PDILT: variants seen among roughly 807,000 people sequenced by gnomAD.
PDILT encodes the protein protein disulfide-isomerase-like protein of the testis.
Under a neutral mutation model 53.7 loss-of-function variants are expected in PDILT, and 43 were observed. The ratio of observed to expected loss-of-function variants is 0.80; its 90% CI spans 0.63 to 1.03. The LOEUF is 1.03. PDILT is among the 50% of genes least tolerant of loss of function. PDILT has a pLI of 0.00. For missense variants in PDILT, 727 were observed against 712.3 expected, an observed-to-expected ratio of 1.02 and a Z score of -0.24; for synonymous variants, 282 against 274.2, an observed-to-expected ratio of 1.03 and a Z score of -0.28.
chr16:20,374,123 TA>T (rs1966347774), intron 5 of PDILT, among the ~76,000 whole-genome samples: 1 of 150,948 alleles, frequency 6.6e-6, no homozygotes, highest in Non-Finnish European at 1.5e-5. Flanking sequence ...TTTTTTTTTT[TA>T]AAGATGTAGA....
At chr16:20,400,581 C>T (rs1408090898) in intron 1 of PDILT, among the ~76,000 whole-genome samples, 1 of 151,860 alleles carries the variant, frequency 6.6e-6, no homozygotes, top group Non-Finnish European at 1.5e-5. Flanking sequence ...TTCAAAAGCT[C>T]CCCAGATGAT....
chr16:20,370,882 T>C (rs1966296985), intron 7 of PDILT, among the ~76,000 whole-genome samples: 1 of 152,188 alleles, frequency 6.6e-6, no homozygotes, highest in Admixed American at 6.5e-5. Context: ...GCCATGGCAA[T>C]GTCAGGAAGT....
At chr16:20,364,029 T>G (rs9931967) in intron 9 of PDILT, among the ~76,000 whole-genome samples, 52,249 of 152,098 alleles carry the variant, frequency 0.34, 11,238 homozygotes, top group Non-Finnish European at 0.49. Flanking sequence ...ACAAGCCAAG[T>G]GTCTCCATGG....
At chr16:20,396,735 C>T (rs940431464) in intron 2 of PDILT, among the ~76,000 whole-genome samples, 11 of 152,226 alleles carry the variant, frequency 7.2e-5, no homozygotes, top group Admixed American at 2.6e-4. Context: ...GACTTTATCA[C>T]ACTTTGTTTT....
intron 2 of PDILT, among the ~76,000 whole-genome samples, chr16:20,392,818 C>A (rs1174640568): frequency 1.3e-5 from 2 of 152,146 alleles, no homozygotes; most frequent in Non-Finnish European, 2.9e-5. Context: ...CCCTCTGTAG[C>A]CTCAGATTTA....
intron 6 of PDILT, 41 bp downstream of exon 6, chr16:20,372,971 G>A (rs1966328402): frequency 1.1e-5 from 17 of 1,613,476 alleles, no homozygotes; most frequent in Non-Finnish European, 1.4e-5. Context: ...ACACACAGTG[G>A]CCCCAGCTCC....
chr16:20,384,697 C>T lies in PDILT; in HGVS notation c.357G>A (p.Pro119=), dbSNP rs755877564. 57 of 1,614,108 alleles carry T rather than the reference C, an allele frequency of 3.5e-5. 1 individual carries two copies. Among genetic ancestry groups the T allele is most frequent in the South Asian group, 1.6e-4 (15 of 91,092 alleles). The change falls in exon 3 of 12, where the codon CCG becomes CCA. Residue 119 remains proline (P), a synonymous_variant. Coordinates refer to ENST00000302451, the MANE Select transcript of PDILT (RefSeq NM_174924.2). ...LQQEFGITKA[P]ELKLFFEGNR... ...TGCCCTCAAAAAACAGCTTCAACTC[C>T]GGGGCCTTGGTAATCCCAAACTCCT...
chr16:20,388,299 T>A (rs1287537588), intron 2 of PDILT, among the ~76,000 whole-genome samples: 1 of 152,178 alleles, frequency 6.6e-6, no homozygotes, highest in Non-Finnish European at 1.5e-5. Context: ...CCCTGGTTAA[T>A]CTTCAGAACA....
Position 20,365,556 on chromosome 16 carries a change from G to C in PDILT, c.1117-16C>G. The stretch of plus-strand genomic sequence containing the variant: ...ATTGATGTTTCTAGGAAGCACATTT[G>C]AGAGGCCTAAGAGTCTTCATAAAGG... On this transcript the variant is annotated splice_polypyrimidine_tract_variant and intron_variant, in intron 8 of 11. Coordinates refer to ENST00000302451, the MANE Select transcript of PDILT (RefSeq NM_174924.2). 1 of 1,613,960 alleles carries C rather than the reference G, an allele frequency of 6.2e-7. No homozygotes were observed. The highest frequency in any genetic ancestry group is 1.3e-5 in the African/African-American group (1 of 75,042).
Position 20,367,817 on chromosome 16 carries a change from C to T in PDILT, c.1116+1675G>A, listed in dbSNP as rs1966236152. ...TGGATGCCAGGACACTTTTCAGAGT[C>T]CATGGGAGCCTGGTTTGCAATGCCA... On this transcript the variant is annotated intron_variant, in intron 8 of 11. Coordinates refer to ENST00000302451, the MANE Select transcript of PDILT (RefSeq NM_174924.2). Among the ~76,000 whole-genome samples, 4 of 152,086 alleles carry T rather than the reference C, an allele frequency of 2.6e-5. No individual in the cohort carries two copies. The South Asian group carries it at 8.3e-4, about 32-fold the overall frequency.
intron 2 of PDILT, among the ~76,000 whole-genome samples, chr16:20,386,224 T>G (rs1966535616): frequency 6.6e-6 from 1 of 152,054 alleles, no homozygotes; most frequent in Middle Eastern, 3.2e-3. Flanking sequence ...ACCTTGGCAG[T>G]GCAAGAGGCT....
chr16:20,374,668 G>A (rs1008046894), intron 5 of PDILT, among the ~76,000 whole-genome samples, 154 bp downstream of exon 5: 1 of 152,186 alleles, frequency 6.6e-6, no homozygotes, highest in Non-Finnish European at 1.5e-5. Flanking sequence ...TGGAAAGGTT[G>A]GAGCAACACT....
chr16:20,385,209 C>T (rs777075740), intron 2 of PDILT, among the ~76,000 whole-genome samples: 16 of 152,154 alleles, frequency 1.1e-4, no homozygotes, highest in African/African-American at 3.6e-4. Context: ...GCTATAATTG[C>T]TTATTGTTTT....
chr16:20,391,592 A>C (rs1270650995), intron 2 of PDILT, among the ~76,000 whole-genome samples: 1 of 152,110 alleles, frequency 6.6e-6, no homozygotes, highest in Non-Finnish European at 1.5e-5. Flanking sequence ...TTATGGGCCA[A>C]AGGAAATCTC....
intron 2 of PDILT, among the ~76,000 whole-genome samples, chr16:20,390,433 C>T (rs1256426567): frequency 2.0e-5 from 3 of 152,170 alleles, no homozygotes; most frequent in African/African-American, 7.2e-5. Context: ...AAGATCTTTG[C>T]TAAAGTGTTA....
chr16:20,368,845 A>G (rs945526499), intron 8 of PDILT, among the ~76,000 whole-genome samples: 2 of 152,060 alleles, frequency 1.3e-5, no homozygotes, highest in Non-Finnish European at 2.9e-5. Flanking sequence ...CAACTTTGCA[A>G]AGTGCTGGGA....
intron 11 of PDILT, 91 bp from the exon 12 acceptor site, chr16:20,359,658 T>C: frequency 7.5e-7 from 1 of 1,331,668 alleles, no homozygotes. Flanking sequence ...ATTGTGGTTG[T>C]AATAGTCAAG....
At chr16:20,366,625 C>T (rs1213732899) in intron 8 of PDILT, among the ~76,000 whole-genome samples, 2 of 152,176 alleles carry the variant, frequency 1.3e-5, no homozygotes, top group African/African-American at 2.4e-5. Context: ...AAATGTTTTG[C>T]AACTGAATGA....
chr16:20,367,428 G>A (rs962926672), intron 8 of PDILT, among the ~76,000 whole-genome samples: 2 of 152,164 alleles, frequency 1.3e-5, no homozygotes, highest in Non-Finnish European at 2.9e-5. Context: ...GAGCACACAT[G>A]GGGTGGCCAT....
Sources: allele counts gnomAD v4.1 joint callset (sites outside exome capture counted in the v4.1 genomes callset), GRCh38; gene constraint gnomAD v4.1.1; transcripts MANE v1.5; gene names NCBI Gene and HGNC (gene_info 2026-07-23, HGNC 2026-07-21).